Variants in OTUD7A observed in about 807,000 individuals in gnomAD.
OTUD7A encodes OTU deubiquitinase 7A, also known as OTU domain-containing protein 7A.
In OTUD7A, 12 loss-of-function variants were observed where a neutral mutation model predicts 65.7. That is an observed-to-expected ratio of 0.18 (90% CI 0.12 to 0.30). OTUD7A has a LOEUF of 0.30. Among genes scored for constraint, OTUD7A ranks in the 10% least tolerant of loss-of-function variants. OTUD7A has a pLI of 1.00. For missense variants in OTUD7A, 1,148 were observed against 1,304.8 expected (o/e 0.88, Z 1.85); for synonymous variants, 641 against 586.3 (o/e 1.09, Z -1.35).
chr15:31,786,826 C>T (rs2140932831), intron 1 of OTUD7A, among the ~76,000 whole-genome samples: 1 of 152,216 alleles, frequency 6.6e-6, no homozygotes, highest in Admixed American at 6.5e-5. Flanking sequence ...AGAGTTCTGA[C>T]CCAGGACCCC....
At chr15:31,830,673 G>A (rs1394555722) in intron 1 of OTUD7A, among the ~76,000 whole-genome samples, 1 of 152,198 alleles carries the variant, frequency 6.6e-6, no homozygotes, top group East Asian at 1.9e-4. Flanking sequence ...CCACAATGAT[G>A]TGGTGATAGT....
intron 1 of OTUD7A, among the ~76,000 whole-genome samples, chr15:31,664,430 A>AT: frequency 6.6e-6 from 1 of 151,484 alleles, no homozygotes; most frequent in East Asian, 1.9e-4. Flanking sequence ...AGATTTGAGC[A>AT]TTTTTTCATG....
intron 1 of OTUD7A, among the ~76,000 whole-genome samples, chr15:31,847,020 A>C (rs1045868651): frequency 1.3e-5 from 2 of 152,174 alleles, no homozygotes; most frequent in African/African-American, 4.8e-5. Context: ...CAGGGCAGGG[A>C]AGGACAGTCC....
intron 1 of OTUD7A, among the ~76,000 whole-genome samples, chr15:31,862,458 T>A (rs1567060811): frequency 6.6e-6 from 1 of 151,958 alleles, no homozygotes; most frequent in Non-Finnish European, 1.5e-5. Context: ...CAAAAGGAGG[T>A]TTAATTGGAC....
chr15:31,787,534 C>T (rs1895706483), intron 1 of OTUD7A: 1 of 152,058 alleles, frequency 6.6e-6, no homozygotes, highest in East Asian at 1.9e-4. Context: ...GGAGAGGTAC[C>T]CTATGAACAT....
At chr15:31,722,869 A>T (rs1893778359) in intron 1 of OTUD7A, among the ~76,000 whole-genome samples, 1 of 152,244 alleles carries the variant, frequency 6.6e-6, no homozygotes, top group Non-Finnish European at 1.5e-5. Flanking sequence ...ACTGGCTGTC[A>T]AAAAGGAAAG....
At chr15:31,685,927 C>T (rs1400628244) in intron 1 of OTUD7A, among the ~76,000 whole-genome samples, 1 of 152,202 alleles carries the variant, frequency 6.6e-6, no homozygotes, top group African/African-American at 2.4e-5. Flanking sequence ...CTGTGTGGAT[C>T]GCAAGCCCCC....
intron 3 of OTUD7A, among the ~76,000 whole-genome samples, chr15:31,580,573 G>T (rs1889342632): frequency 6.6e-6 from 1 of 152,200 alleles, no homozygotes; most frequent in Non-Finnish European, 1.5e-5. Flanking sequence ...ATAAAGGAAA[G>T]AGGTTTAATT....
At chr15:31,712,977 T>A (rs1337130976) in intron 1 of OTUD7A, among the ~76,000 whole-genome samples, 2 of 152,228 alleles carry the variant, frequency 1.3e-5, no homozygotes, top group Non-Finnish European at 2.9e-5. Flanking sequence ...TGGCCTGGCA[T>A]CTCATTTTAG....
intron 3 of OTUD7A, among the ~76,000 whole-genome samples, chr15:31,589,481 T>TC (rs1889654807): frequency 6.7e-6 from 1 of 150,356 alleles, no homozygotes; most frequent in Non-Finnish European, 1.5e-5. Context: ...TTTTTTTTTT[T>TC]CTGTAGAGAC....
chr15:31,787,098 C>T (rs1895694366), intron 1 of OTUD7A, among the ~76,000 whole-genome samples: 1 of 152,166 alleles, frequency 6.6e-6, no homozygotes, highest in Non-Finnish European at 1.5e-5. Flanking sequence ...GCTGTTTGAA[C>T]CTGCTCCAGA....
At chr15:31,491,226 A>T (rs1334299441) in intron 10 of OTUD7A, among the ~76,000 whole-genome samples, 2 of 152,254 alleles carry the variant, frequency 1.3e-5, no homozygotes, top group Non-Finnish European at 2.9e-5. Context: ...ACAAGGAATT[A>T]AAAATAACTG....
intron 3 of OTUD7A, among the ~76,000 whole-genome samples, chr15:31,603,593 T>C (rs140791399): frequency 6.1e-4 from 93 of 152,134 alleles, no homozygotes; most frequent in African/African-American, 2.2e-3. Flanking sequence ...AATTGACAAA[T>C]GGGATCTAAT....
At chr15:31,815,264 T>C (rs1037339977) in intron 1 of OTUD7A, among the ~76,000 whole-genome samples, 1 of 133,178 alleles carries the variant, frequency 7.5e-6, no homozygotes, top group African/African-American at 2.6e-5. Context: ...CCTCTGATTT[T>C]AGCAGAGAAA....
chr15:31,560,774 TC>T (rs1398467463), intron 4 of OTUD7A, among the ~76,000 whole-genome samples: 18 of 152,210 alleles, frequency 1.2e-4, no homozygotes, highest in African/African-American at 4.3e-4. Context: ...CCCACTGTCC[TC>T]CAGTTCAGCC....
intron 1 of OTUD7A, among the ~76,000 whole-genome samples, chr15:31,724,164 G>A (rs1484903099): frequency 2.6e-5 from 4 of 151,900 alleles, no homozygotes; most frequent in South Asian, 2.1e-4. Context: ...TGTGTATTAC[G>A]GGCATTACAT....
intron 3 of OTUD7A, among the ~76,000 whole-genome samples, chr15:31,589,302 G>T (rs1468610266): frequency 1.5e-5 from 2 of 133,390 alleles, no homozygotes; most frequent in Non-Finnish European, 3.1e-5. Flanking sequence ...TGTTTTTCTG[G>T]GTTTTTTTTT....
intron 1 of OTUD7A, among the ~76,000 whole-genome samples, chr15:31,829,208 A>G (rs1896871230): frequency 6.6e-6 from 1 of 152,212 alleles, no homozygotes; most frequent in Admixed American, 6.5e-5. Flanking sequence ...CTTGGAGGAC[A>G]GGGGTGGCAC....
chr15:31,599,789 G>C (rs1332436356), intron 3 of OTUD7A, among the ~76,000 whole-genome samples: 1 of 152,096 alleles, frequency 6.6e-6, no homozygotes, highest in Non-Finnish European at 1.5e-5. Flanking sequence ...GTTTAGAGAA[G>C]AACATAAATG....
Sources: gnomAD v4.1 joint callset for allele counts (sites outside exome capture counted in the v4.1 genomes callset) on GRCh38, gnomAD v4.1.1 for gene constraint, MANE v1.5 for transcripts, NCBI Gene and HGNC (gene_info 2026-07-23, HGNC 2026-07-21) for gene names.